Variants in SLC27A4 observed in about 807,000 individuals in gnomAD.
SLC27A4 encodes solute carrier family 27 member 4.
SLC27A4 carries 33 observed loss-of-function variants against 64.4 expected under a neutral mutation model. The observed-to-expected ratio is 0.51, with a 90% CI of 0.39 to 0.68. The LOEUF is 0.68. Among genes scored for constraint, SLC27A4 ranks in the 30% least tolerant of loss-of-function variants. SLC27A4 has a pLI of 0.00. For synonymous variants in SLC27A4, 377 were observed against 370.0 expected (o/e 1.02, Z -0.22); for missense variants, 824 against 883.5 (o/e 0.93, Z 0.85).
rs1832756134 is a variant in SLC27A4, at chr9:128,352,752, G to A, written c.987+5G>A. ...TGTATCAAGTACAACTGCACGGTGA[G>A]CGAGAGCGGGAAGGGTGAGCTGTCC... is the stretch of plus-strand genomic sequence containing the variant. On this transcript the variant is annotated splice_donor_5th_base_variant and intron_variant, in intron 7 of 12. Transcript: ENST00000300456. The A allele has an allele frequency of 1.9e-6, 3 of 1,603,970 alleles. No homozygotes were observed. Among genetic ancestry groups the A allele is most frequent in the Non-Finnish European group, 2.6e-6 (3 of 1,170,750 alleles).
At position 128,345,158 on chromosome 9, in the gene SLC27A4, C is replaced by G. The variant is rs762085131; in HGVS notation, c.165C>G (p.Gly55=). ...GCCCTCTCTTGTTCACACACAGTGG[C>G]GGCCTGGTCCTCCTGAAGGTGAAGG... ...FIKTIRRDIF[G]GLVLLKVKAK... Residue 55 remains glycine, a synonymous_variant, in exon 3 of 13, where the codon GGC becomes GGG. Transcript: ENST00000300456. The surrounding 1 kb of genome is among the most constrained non-coding windows in gnomAD (Gnocchi z 4.1). The G allele has an allele frequency of 2.5e-6, 4 of 1,613,196 alleles. No individual in the cohort carries two copies. Among genetic ancestry groups the G allele is most frequent in the Non-Finnish European group, 3.4e-6 (4 of 1,180,020 alleles).
In SLC27A4 at chr9:128,355,072, G is replaced by A. The variant is rs1461010824; in HGVS notation, c.1344G>A (p.Val448=). 2 of 1,610,928 alleles carry A rather than the reference G, an allele frequency of 1.2e-6. No individual in the cohort carries two copies. The highest frequency in any genetic ancestry group is 1.7e-6 in the Non-Finnish European group (2 of 1,178,844). Reference sequence around the variant, plus strand: ...CCCCAGGTGAGCCGGGCCAGCTGGTGGGCCGCATCATCCAGAAAGACCCCC... The same window carrying A: ...CCCCAGGTGAGCCGGGCCAGCTGGTAGGCCGCATCATCCAGAAAGACCCCC... ...PCQPGEPGQL[V]GRIIQKDPLR... is the part of the protein sequence containing the mutation. The change falls in exon 10 of 13, where the codon GTG becomes GTA. Residue 448 remains valine (V), a synonymous_variant. Coordinates refer to ENST00000300456, the MANE Select transcript of SLC27A4 (RefSeq NM_005094.4).
Position 128,360,343 on chromosome 9 carries a change from A to G in SLC27A4, c.1784A>G (p.Lys595Arg), listed in dbSNP as rs759020646. The change falls in exon 13 of 13, where the codon AAG (lysine) becomes AGG (arginine). Residue 595 changes from lysine (K) to arginine (R), a missense_variant. Physicochemically the swap from Lys to Arg is conservative, Grantham distance 26. Coordinates refer to ENST00000300456, the MANE Select transcript of SLC27A4 (RefSeq NM_005094.4). Reference sequence around the variant, plus strand: ...TTCCCTGCTCTCCCAGGAACCTACAAGTTCCAGAAGACAGAGCTACGGAAG... The same window carrying G: ...TTCCCTGCTCTCCCAGGAACCTACAGGTTCCAGAAGACAGAGCTACGGAAG... ...LPELHKTGTY[K>R]FQKTELRKEG... The G allele has an allele frequency of 2.5e-6, 4 of 1,613,830 alleles. No homozygotes were observed. In the African/African-American group the frequency reaches 5.3e-5, roughly 22 times the overall value.
At position 128,360,885 on chromosome 9, in the gene SLC27A4, A is replaced by G; in HGVS notation, c.*394A>G. ...CAGGAAGTCAACAGAGTGGGCAGGG[A>G]CAGTGGTAGCATCCATCTGGTGGCC... On this transcript the variant is annotated 3_prime_UTR_variant, in exon 13 of 13. Transcript: ENST00000300456. 1 of 268,654 alleles carries G rather than the reference A, an allele frequency of 3.7e-6. No homozygotes were observed. Among genetic ancestry groups the G allele is most frequent in the Non-Finnish European group, 7.3e-6 (1 of 136,426 alleles). The allele number at this position is 268,654 out of a possible 1,614,324, so 16.6% of individuals were successfully genotyped here.
chr9:128,353,505 C>T lies in SLC27A4; in HGVS notation c.1288C>T (p.Arg430Trp), dbSNP rs376890663. ...RVNEDTMELI[R>W]GPDGVCIPCQ... Reference sequence around the variant, plus strand: ...CAACGAGGACACCATGGAGCTGATCCGGGGGCCCGACGGCGTCTGCATTCC... The same window carrying T: ...CAACGAGGACACCATGGAGCTGATCTGGGGGCCCGACGGCGTCTGCATTCC... The change falls in exon 9 of 13, where the codon CGG becomes TGG. Residue 430 changes from arginine (R) to tryptophan (W), a missense_variant. Transcript: ENST00000300456. The surrounding 1 kb of genome is among the most constrained non-coding windows in gnomAD (Gnocchi z 4.9). 5 of 1,614,072 alleles carry T rather than the reference C, an allele frequency of 3.1e-6. No individual in the cohort carries two copies. Among genetic ancestry groups the T allele is most frequent in the Admixed American group, 1.7e-5 (1 of 59,998 alleles).
chr9:128,359,294 G>A (rs1439746524), intron 12 of SLC27A4, among the ~76,000 whole-genome samples: 1 of 152,000 alleles, frequency 6.6e-6, no homozygotes, highest in Non-Finnish European at 1.5e-5. Context: ...TTCAAGATCT[G>A]GGTGGGCAAC....
In SLC27A4 at chr9:128,353,477, T is replaced by C. The variant is rs777554007; in HGVS notation, c.1260T>C (p.Arg420=). 10 of 1,614,120 alleles carry C rather than the reference T, an allele frequency of 6.2e-6. No individual in the cohort carries two copies. In the Middle Eastern group the frequency reaches 6.6e-4, roughly 107 times the overall value. The change falls in exon 9 of 13, where the codon CGT becomes CGC. Residue 420 remains arginine, a synonymous_variant. Coordinates refer to ENST00000300456, the MANE Select transcript of SLC27A4 (RefSeq NM_005094.4). The surrounding 1 kb of genome is among the most constrained non-coding windows in gnomAD (Gnocchi z 4.9). ...TCGTGTACCCCATCCGGTTGGTACG[T>C]GTCAACGAGGACACCATGGAGCTGA... ...LSFVYPIRLV[R]VNEDTMELIR... is the part of the protein sequence containing the mutation.
At chr9:128,356,793 T>C (rs1832826524) in intron 12 of SLC27A4, among the ~76,000 whole-genome samples, 1 of 126,932 alleles carries the variant, frequency 7.9e-6, no homozygotes, top group South Asian at 2.5e-4. Flanking sequence ...AATACAAACA[T>C]AAAAATAAAA....
rs3758353 is a variant in SLC27A4, at chr9:128,341,911, G to A, written c.-7+1073G>A. Among the ~76,000 whole-genome samples the A allele has an allele frequency of 3.7e-3, 567 of 152,222 alleles. 18 individuals are homozygous for A. The East Asian group carries it at 0.085, about 23-fold the overall frequency. ...GTGCCACCATGCCTGGCTAATTTTT[G>A]TATTTTTAGTAGAGACAGGGTTTCA... On this transcript the variant is annotated intron_variant, in intron 1 of 12. Transcript: ENST00000300456.
At chr9:128,354,033 G>A (rs924559744) in intron 9 of SLC27A4, among the ~76,000 whole-genome samples, 2 of 151,122 alleles carry the variant, frequency 1.3e-5, no homozygotes, top group East Asian at 1.9e-4. Flanking sequence ...GTGAGCCACC[G>A]CGCCCGGCCA....
intron 1 of SLC27A4, chr9:128,342,366 A>G: frequency 1.2e-6 from 2 of 1,611,042 alleles, no homozygotes; most frequent in Non-Finnish European, 1.7e-6. Context: ...GCGAATCGTA[A>G]TGAGGCGTGC....
intron 1 of SLC27A4, chr9:128,342,633 C>T: frequency 9.0e-6 from 4 of 443,204 alleles, no homozygotes; most frequent in South Asian, 6.3e-5. Context: ...AGAGTAAAAC[C>T]AGGCTGGCCC....
rs776322345 is a variant in SLC27A4 at position 128,352,750 on chromosome 9, G to A, written c.987+3G>A. ...ATTGTATCAAGTACAACTGCACGGT[G>A]AGCGAGAGCGGGAAGGGTGAGCTGT... On this transcript the variant is annotated splice_donor_region_variant and intron_variant, in intron 7 of 12. Transcript: ENST00000300456. 26 of 1,605,560 alleles carry A rather than the reference G, an allele frequency of 1.6e-5. No homozygotes were observed. Among genetic ancestry groups the A allele is most frequent in the Non-Finnish European group, 2.0e-5 (23 of 1,172,280 alleles).
Position 128,353,233 on chromosome 9 carries a change from A to G in SLC27A4, c.1196A>G (p.Gln399Arg). 1 of 1,613,916 alleles carries G rather than the reference A, an allele frequency of 6.2e-7. No homozygotes were observed. Among genetic ancestry groups the G allele is most frequent in the Non-Finnish European group, 8.5e-7 (1 of 1,180,002 alleles). Residue 399 changes from glutamine to arginine, a missense_variant and splice_region_variant, in exon 8 of 13, where the codon CAG becomes CGG. Coordinates refer to ENST00000300456, the MANE Select transcript of SLC27A4 (RefSeq NM_005094.4). The surrounding 1 kb of genome is among the most constrained non-coding windows in gnomAD (Gnocchi z 4.9). ...TGTAGCCTGGGCAACTTCGACAGCCAGGTGCGGCCAGGTTGGGGATGGGCG... is the reference window on the plus strand; with the variant it reads ...TGTAGCCTGGGCAACTTCGACAGCCGGGTGCGGCCAGGTTGGGGATGGGCG... ...CNCSLGNFDS[Q>R]VGACGFNSRI...
At chr9:128,346,235 TTTG>T (rs890164661) in intron 3 of SLC27A4, among the ~76,000 whole-genome samples, 8 of 150,764 alleles carry the variant, frequency 5.3e-5, no homozygotes, top group South Asian at 2.1e-4. Flanking sequence ...TTTTGTTTTT[TTTG>T]TTGTTGTTGT....
intron 12 of SLC27A4, 28 bp downstream of exon 12, chr9:128,355,824 G>A (rs752005081): frequency 1.2e-5 from 19 of 1,611,024 alleles, no homozygotes; most frequent in Admixed American, 1.7e-5. Flanking sequence ...TCCAGCTCTC[G>A]GATCCCAGGT....
intron 1 of SLC27A4, 104 bp from the exon 2 acceptor site, chr9:128,343,023 A>T: frequency 6.9e-7 from 1 of 1,447,942 alleles, no homozygotes; most frequent in Non-Finnish European, 9.5e-7. Flanking sequence ...AAGCCTTACC[A>T]CAGGCTGTCC....
At position 128,360,454 on chromosome 9, in the gene SLC27A4, C is replaced by T; in HGVS notation, c.1895C>T (p.Ala632Val). Residue 632 changes from alanine (A) to valine (V), a missense_variant, in exon 13 of 13, where the codon GCC (alanine) becomes GTC (valine). Ala to Val is a moderately conservative substitution (Grantham distance 64). Coordinates refer to ENST00000300456, the MANE Select transcript of SLC27A4 (RefSeq NM_005094.4). ...CGCTACGTCCCGCTGGACCAAGAGG[C>T]CTACAGCCGCATCCAGGCAGGCGAG... ...KGRYVPLDQEAYSRIQAGEEK... is the reference protein window; with the variant it reads ...KGRYVPLDQEVYSRIQAGEEK... 1 of 1,614,050 alleles carries T rather than the reference C, an allele frequency of 6.2e-7. No individual in the cohort carries two copies. Among genetic ancestry groups the T allele is most frequent in the Non-Finnish European group, 8.5e-7 (1 of 1,180,038 alleles).
Position 128,355,166 on chromosome 9 carries a change from A to G in SLC27A4, c.1438A>G (p.Lys480Glu). Residue 480 changes from lysine to glutamate, a missense_variant, in exon 10 of 13, where the codon AAG becomes GAG. Coordinates refer to ENST00000300456, the MANE Select transcript of SLC27A4 (RefSeq NM_005094.4). ...GAAGATTGCCAAGGATGTCTTCAAG[A>G]AGGGGGACCAGGCCTACCTTACTGG... ...NKKIAKDVFK[K>E]GDQAYLTGDV... 6.2e-7 allele frequency: 1 copy of G among 1,613,648 alleles called. No individual in the cohort carries two copies. The highest frequency in any genetic ancestry group is 8.5e-7 in the Non-Finnish European group (1 of 1,179,834).
Sources: allele counts gnomAD v4.1 joint callset (sites outside exome capture counted in the v4.1 genomes callset), GRCh38; gene constraint gnomAD v4.1.1; non-coding constraint Gnocchi (gnomAD v3.1); transcripts MANE v1.5; gene names NCBI Gene and HGNC (gene_info 2026-07-23, HGNC 2026-07-21).